MADD: variants seen among roughly 807,000 people sequenced by gnomAD.
MADD encodes the protein MAP kinase-activating death domain protein.
A neutral mutation model predicts 176.7 loss-of-function variants in MADD; 109 were observed. The ratio of observed to expected loss-of-function variants is 0.62; its 90% confidence interval spans 0.53 to 0.72. The LOEUF is 0.72. Ranked by LOEUF, MADD falls within the 30% of genes least tolerant of loss-of-function variation. The pLI is 0.00. For missense variants in MADD, 1,914 were observed against 2,045.5 expected, an observed-to-expected ratio of 0.94 and a Z score of 1.24; for synonymous variants, 771 against 771.3, an observed-to-expected ratio of 1.00 and a Z score of 0.01.
chr11:47,274,935 C>G (rs1565259727), exon 3 of MADD: 3 of 1,614,012 alleles, frequency 1.9e-6, no homozygotes, highest in Non-Finnish European at 2.5e-6. Context: ...TGCAGCCTCT[C>G]AGTGCTGACT....
intron 22 of MADD, among the ~76,000 whole-genome samples, 166 bp from the exon 25 acceptor site, chr11:47,308,425 G>A (rs1001896281): frequency 1.3e-5 from 2 of 152,244 alleles, no homozygotes; most frequent in African/African-American, 4.8e-5. Flanking sequence ...AGTTTAGGAG[G>A]CAGTAACAGA....
intron 7 of MADD, 143 bp from the exon 8 acceptor site, chr11:47,281,432 A>G (rs2056630106): frequency 1.8e-6 from 1 of 555,738 alleles, no homozygotes; most frequent in Non-Finnish European, 3.0e-6. Flanking sequence ...GTGATTTGCA[A>G]ATTAGCACCG....
chr11:47,326,896 A>T, intron 31 of MADD, 89 bp downstream of exon 35: 1 of 1,572,674 alleles, frequency 6.4e-7, no homozygotes, highest in Non-Finnish European at 8.6e-7. Context: ...GGGCAGGGAG[A>T]AGAAGAACCT....
chr11:47,276,592 TGGG>T (rs1220420690), intron 4 of MADD, 137 bp from the exon 5 acceptor site: 16 of 949,246 alleles, frequency 1.7e-5, no homozygotes, highest in Non-Finnish European at 2.1e-5. Flanking sequence ...GCAGGCATGG[TGGG>T]GCAGGGGGCA....
At chr11:47,320,341 A>T (rs923845170) in intron 27 of MADD, among the ~76,000 whole-genome samples, 3 of 151,972 alleles carry the variant, frequency 2.0e-5, no homozygotes, top group Non-Finnish European at 4.4e-5. Context: ...TTGTAATCCC[A>T]GTTACTTGGG....
At chr11:47,274,907 C>T in exon 3 of MADD, 1 of 1,613,808 alleles carries the variant, frequency 6.2e-7, no homozygotes, top group Non-Finnish European at 8.5e-7. Flanking sequence ...ACTGAGAGCT[C>T]AGAGAGTGGC....
rs111324595 is a variant in MADD at position 47,298,591 on chromosome 11, C to T, written c.3642+2536C>T. Among the ~76,000 whole-genome samples, 1,354 of 152,276 alleles carry T rather than the reference C, an allele frequency of 8.9e-3. 23 individuals carry two copies. Among genetic ancestry groups the T allele is most frequent in the African/African-American group, 0.03 (1,262 of 41,562 alleles). On this transcript the variant is annotated intron_variant, in intron 22 of 32. Transcript: ENST00000402192. ...TATATTCTGGCTATTAATCCCTTGT[C>T]AGATGAATAGTTTGTAAATATTTTC...
chr11:47,296,570 CAG>C (rs2072118977), intron 22 of MADD, among the ~76,000 whole-genome samples: 2 of 152,046 alleles, frequency 1.3e-5, no homozygotes, highest in African/African-American at 4.8e-5. Context: ...GCTAAAGAAA[CAG>C]GGATGAAAAA....
intron 26 of MADD, among the ~76,000 whole-genome samples, chr11:47,314,483 T>G (rs565915646): frequency 6.6e-6 from 1 of 152,052 alleles, no homozygotes; most frequent in Admixed American, 6.6e-5. Context: ...GGTTTATGCC[T>G]GTAATTCCAG....
intron 5 of MADD, 70 bp downstream of exon 5, chr11:47,276,933 A>C: frequency 6.4e-7 from 1 of 1,559,354 alleles, no homozygotes; most frequent in Non-Finnish European, 8.8e-7. Flanking sequence ...ATGCTCAAAG[A>C]AGTTGTAAGT....
exon 3 of MADD, chr11:47,275,070 A>T: frequency 2.5e-6 from 4 of 1,614,160 alleles, no homozygotes; most frequent in Non-Finnish European, 3.4e-6. Flanking sequence ...CCACCTTCCG[A>T]GAGTGTTTGT....
chr11:47,296,134 G>C, intron 22 of MADD, 79 bp downstream of exon 24: 9 of 1,510,308 alleles, frequency 6.0e-6, no homozygotes, highest in Non-Finnish European at 8.2e-6. Flanking sequence ...TGAAAGTTAA[G>C]AGACGCTAAA....
At position 47,309,729 on chromosome 11, in the gene MADD, C is replaced by T. The variant is rs2086458997; in HGVS notation, c.3978+117C>T. ...TCAAGGTATCTTAACTTAGGGCTAT[C>T]TTCTTGATTGAAAGTCTGAGGCCTC... On this transcript the variant is annotated intron_variant, in intron 25 of 32. Coordinates refer to ENST00000402192, the Ensembl canonical transcript of MADD. 5.6e-6 allele frequency: 4 copies of T among 712,184 alleles called. No individual in the cohort carries two copies. The Admixed American group carries it at 7.2e-5, about 13-fold the overall frequency. 44.1% of individuals were successfully genotyped at this position (712,184 alleles called of 1,614,324 possible). A position where few individuals can be genotyped will look rare whatever the true frequency, so the allele number is the denominator to read the frequency against.
chr11:47,312,844 C>T (rs866603242), intron 26 of MADD, among the ~76,000 whole-genome samples: 1 of 152,190 alleles, frequency 6.6e-6, no homozygotes, highest in Non-Finnish European at 1.5e-5. Context: ...TTTTAATATT[C>T]TTTGTGACAA....
chr11:47,309,441 G>T, intron 24 of MADD, 40 bp downstream of exon 27: 1 of 1,614,042 alleles, frequency 6.2e-7, no homozygotes, highest in Admixed American at 1.7e-5. Flanking sequence ...AGCAAACTCA[G>T]CCTCCTCCCA....
intron 22 of MADD, among the ~76,000 whole-genome samples, chr11:47,307,239 T>C (rs1729262251): frequency 6.6e-6 from 1 of 152,290 alleles, no homozygotes; most frequent in South Asian, 2.1e-4. Flanking sequence ...AATAAGAGTA[T>C]TTGAAATTAT....
intron 22 of MADD, among the ~76,000 whole-genome samples, chr11:47,303,971 A>G (rs557808018): frequency 2.0e-5 from 3 of 152,162 alleles, no homozygotes; most frequent in South Asian, 4.2e-4. Context: ...CTGGCTGTCC[A>G]TCTCTCTCCC....
chr11:47,284,621 T>C, intron 12 of MADD, 56 bp downstream of exon 12: 3 of 1,573,408 alleles, frequency 1.9e-6, no homozygotes, highest in Non-Finnish European at 2.6e-6. Context: ...GGGCCTCATC[T>C]ATTAGGAAAG....
At chr11:47,287,920 C>T (rs771352293) in intron 15 of MADD, among the ~76,000 whole-genome samples, 3 of 150,888 alleles carry the variant, frequency 2.0e-5, no homozygotes, top group Non-Finnish European at 4.4e-5. Context: ...CCTGAGCAGC[C>T]GGGACTATAG....
Sources: gnomAD v4.1 joint callset for allele counts (sites outside exome capture counted in the v4.1 genomes callset) on GRCh38, gnomAD v4.1.1 for gene constraint, MANE v1.5 for transcripts, NCBI Gene and HGNC (gene_info 2026-07-23, HGNC 2026-07-21) for gene names.